SOX5: variants seen among roughly 807,000 people sequenced by gnomAD.
SOX5 encodes transcription factor SOX-5.
Under a neutral mutation model 92.0 loss-of-function variants are expected in SOX5, and 9 were observed. That is an observed-to-expected ratio of 0.10 (90% CI 0.06 to 0.17). The LOEUF is 0.17. Ranked by LOEUF, SOX5 falls within the 10% of genes least tolerant of loss-of-function variation. SOX5 has a pLI of 1.00. For missense variants in SOX5, 642 were observed against 944.5 expected (o/e 0.68, Z 4.20); for synonymous variants, 344 against 336.3 (o/e 1.02, Z -0.25).
intron 4 of SOX5, among the ~76,000 whole-genome samples, chr12:24,002,131 T>A (rs1951670924): frequency 6.6e-6 from 1 of 152,014 alleles, no homozygotes; most frequent in African/African-American, 2.4e-5. Flanking sequence ...TGACTTCAGT[T>A]TGCATGTTTA....
chr12:23,848,967 TCTGC>T (rs2096602860), intron 2 of SOX5, among the ~76,000 whole-genome samples: 2 of 152,192 alleles, frequency 1.3e-5, no homozygotes, highest in Admixed American at 6.6e-5. Context: ...AGAAAAAGGA[TCTGC>T]CTAACATAGC....
chr12:24,103,447 T>C (rs907375598), intron 4 of SOX5, among the ~76,000 whole-genome samples: 3 of 151,998 alleles, frequency 2.0e-5, no homozygotes, highest in African/African-American at 4.8e-5. Context: ...CTCACACTCT[T>C]GGGTTCAAGT....
chr12:23,543,460 G>A, intron 12 of SOX5, 76 bp from the exon 13 acceptor site: 1 of 1,146,474 alleles, frequency 8.7e-7, no homozygotes, highest in Non-Finnish European at 1.3e-6. Context: ...CTATTTTTCA[G>A]TCTATTAAGA....
intron 11 of SOX5, among the ~76,000 whole-genome samples, chr12:23,554,306 AACAGATGT>A (rs1172221729): frequency 6.6e-6 from 1 of 152,104 alleles, no homozygotes; most frequent in Non-Finnish European, 1.5e-5. Context: ...AGAATTGGAA[AACAGATGT>A]ACAGATTGTG....
chr12:24,479,201 T>C (rs926356865), intron 1 of SOX5, among the ~76,000 whole-genome samples: 2 of 152,188 alleles, frequency 1.3e-5, no homozygotes, highest in African/African-American at 4.8e-5. Context: ...TAATATGTAA[T>C]TCAAATGCCA....
chr12:24,459,947 A>G (rs1375653519), intron 1 of SOX5, among the ~76,000 whole-genome samples: 1 of 152,186 alleles, frequency 6.6e-6, no homozygotes, highest in Middle Eastern at 3.2e-3. Context: ...AAAATTGAGT[A>G]TGTATAGAGT....
intron 1 of SOX5, among the ~76,000 whole-genome samples, chr12:23,911,502 C>T (rs374005533): frequency 1.4e-3 from 216 of 152,088 alleles, no homozygotes; most frequent in Non-Finnish European, 2.1e-3. Flanking sequence ...ACTTGTTGTT[C>T]GGTTTTTCTT....
chr12:24,284,181 G>A (rs1207453500), intron 2 of SOX5, among the ~76,000 whole-genome samples: 1 of 152,198 alleles, frequency 6.6e-6, no homozygotes, highest in African/African-American at 2.4e-5. Flanking sequence ...AAATTCTAGT[G>A]AAGATTTTGT....
chr12:23,876,012 A>G (rs2096923075), intron 2 of SOX5, among the ~76,000 whole-genome samples: 1 of 152,214 alleles, frequency 6.6e-6, no homozygotes, highest in African/African-American at 2.4e-5. Flanking sequence ...CAAATTTACA[A>G]GCAGTGGGCC....
intron 6 of SOX5, among the ~76,000 whole-genome samples, chr12:23,728,854 A>G (rs1027811736): frequency 5.3e-5 from 8 of 152,156 alleles, no homozygotes; most frequent in Non-Finnish European, 1.2e-4. Flanking sequence ...TTCCACAAGA[A>G]ACAACTTATG....
chr12:24,195,581 T>C (rs767374035), intron 4 of SOX5, among the ~76,000 whole-genome samples: 2 of 152,216 alleles, frequency 1.3e-5, no homozygotes, highest in Non-Finnish European at 2.9e-5. Flanking sequence ...TATATCTGCC[T>C]AACTAGAATT....
intron 1 of SOX5, among the ~76,000 whole-genome samples, chr12:23,911,685 C>T (rs1170930245): frequency 6.6e-6 from 1 of 152,116 alleles, no homozygotes; most frequent in African/African-American, 2.4e-5. Context: ...AGTACATATT[C>T]ATGAACTTTG....
chr12:23,715,115 C>G (rs981626020), intron 6 of SOX5, among the ~76,000 whole-genome samples: 1 of 151,904 alleles, frequency 6.6e-6, no homozygotes, highest in Non-Finnish European at 1.5e-5. Flanking sequence ...CTGGCTAACA[C>G]TGTGAAACCC....
At chr12:23,579,503 CTAT>C (rs1949748361) in intron 9 of SOX5, among the ~76,000 whole-genome samples, 1 of 151,948 alleles carries the variant, frequency 6.6e-6, no homozygotes, top group Non-Finnish European at 1.5e-5. Flanking sequence ...TACCAAATGC[CTAT>C]TATTTATGAA....
Position 23,834,247 on chromosome 12 carries a change from G to A in SOX5, c.481+11736C>T, listed in dbSNP as rs971973193. ...ATATTAAAAACAAAGAGTGTTGAGA[G>A]AACTGCACGTGATTTCACAAGATTG... On this transcript the variant is annotated intron_variant, in intron 3 of 14. Coordinates refer to ENST00000451604, the MANE Select transcript of SOX5 (RefSeq NM_006940.6). Among the ~76,000 whole-genome samples the A allele has an allele frequency of 2.0e-5, 3 of 151,944 alleles. No homozygotes were observed. In the South Asian group the frequency reaches 6.2e-4, roughly 31 times the overall value.
intron 1 of SOX5, among the ~76,000 whole-genome samples, chr12:24,490,720 G>A (rs1006247087): frequency 6.6e-6 from 1 of 152,154 alleles, no homozygotes; most frequent in Admixed American, 6.5e-5. Context: ...GGCACATGAA[G>A]AGCTCCAAAA....
intron 4 of SOX5, among the ~76,000 whole-genome samples, chr12:24,170,890 A>C (rs1157926667): frequency 6.6e-6 from 1 of 152,150 alleles, no homozygotes; most frequent in Admixed American, 6.5e-5. Flanking sequence ...CATCGTTATA[A>C]ATTCATGTGG....
At chr12:24,051,975 C>T (rs774497217) in intron 4 of SOX5, among the ~76,000 whole-genome samples, 5 of 152,148 alleles carry the variant, frequency 3.3e-5, no homozygotes, top group African/African-American at 7.2e-5. Context: ...GCCTGTTCTC[C>T]GGCCTCATCT....
At chr12:24,316,093 A>G (rs1949673365) in intron 2 of SOX5, among the ~76,000 whole-genome samples, 1 of 152,236 alleles carries the variant, frequency 6.6e-6, no homozygotes, top group Non-Finnish European at 1.5e-5. Context: ...TGTCACTTGT[A>G]GTATTCTCTT....
Sources: allele counts gnomAD v4.1 joint callset (sites outside exome capture counted in the v4.1 genomes callset), GRCh38; gene constraint gnomAD v4.1.1; transcripts MANE v1.5; gene names NCBI Gene and HGNC (gene_info 2026-07-23, HGNC 2026-07-21).